Variants in ZFHX3 observed in about 807,000 individuals in gnomAD.
ZFHX3 encodes zinc finger homeobox protein 3.
A neutral mutation model predicts 279.1 loss-of-function variants in ZFHX3; 42 were observed. The observed-to-expected ratio is 0.15, with a 90% CI of 0.12 to 0.19. ZFHX3 has a LOEUF of 0.19. Ranked by LOEUF, ZFHX3 falls within the 10% of genes least tolerant of loss-of-function variation. The probability of loss-of-function intolerance (pLI) is 1.00; values close to 1 mark genes in which losing one functional copy is unlikely to be tolerated. For synonymous variants in ZFHX3, 2,293 were observed against 1,957.8 expected (o/e 1.17, Z -4.52); for missense variants, 4,981 against 4,754.0 (o/e 1.05, Z -1.40).
At chr16:73,125,119 C>G (rs573865439) in intron 7 of ZFHX3, 1 of 151,976 alleles carries the variant, frequency 6.6e-6, no homozygotes, top group East Asian at 1.9e-4. Context: ...GTACCTAGCA[C>G]CCAGTCACTG....
intron 5 of ZFHX3, among the ~76,000 whole-genome samples, chr16:73,248,339 T>A (rs934893239): frequency 1.3e-5 from 2 of 151,800 alleles, no homozygotes; most frequent in Non-Finnish European, 2.9e-5. Context: ...GTGGAGAGTG[T>A]GTATGTGTGT....
intron 1 of ZFHX3, among the ~76,000 whole-genome samples, chr16:73,057,040 C>A (rs938246741): frequency 6.6e-6 from 1 of 152,144 alleles, no homozygotes; most frequent in African/African-American, 2.4e-5. Context: ...TAACAAACTG[C>A]CTTTTAAAAG....
chr16:73,134,298 T>C (rs1041020865), intron 6 of ZFHX3, among the ~76,000 whole-genome samples: 2 of 150,708 alleles, frequency 1.3e-5, no homozygotes, highest in African/African-American at 2.4e-5. Flanking sequence ...TAACAATAGC[T>C]GTTAGTGACC....
At position 72,797,083 on chromosome 16, in the gene ZFHX3, G is replaced by C; in HGVS notation, c.5599C>G (p.Leu1867Val). ...TCGGGGTGCTGGCTTGGCTGAAGGA[G>C]GGCAGAGTGACTCTGGGCTATAGAG... ...QLSIAQSHSA[L>V]LQPSQHPEKK... is the part of the protein sequence containing the mutation. The change falls in exon 9 of 10, where the codon CTC becomes GTC. Residue 1867 changes from leucine to valine, a missense_variant. Coordinates refer to ENST00000268489, the MANE Select transcript of ZFHX3 (RefSeq NM_006885.4). The C allele has an allele frequency of 6.2e-7, 1 of 1,613,996 alleles. No individual in the cohort carries two copies. Among genetic ancestry groups the C allele is most frequent in the Non-Finnish European group, 8.5e-7 (1 of 1,180,024 alleles).
At chr16:73,001,016 A>T (rs1963477058) in intron 1 of ZFHX3, among the ~76,000 whole-genome samples, 2 of 152,234 alleles carry the variant, frequency 1.3e-5, no homozygotes, top group African/African-American at 4.8e-5. Context: ...ACCCTTGTGT[A>T]GTCCCCTCCC....
At position 73,730,066 on chromosome 16, in the gene ZFHX3, G is replaced by C. The variant is rs543939861; in HGVS notation, c.-1607-49826C>G. Among the ~76,000 whole-genome samples, 16 of 152,236 alleles carry C rather than the reference G, an allele frequency of 1.1e-4. 3 individuals are homozygous for C. The highest frequency in any genetic ancestry group is 3.9e-4 in the African/African-American group (16 of 41,534). On this transcript the variant is annotated intron_variant, in intron 1 of 17. Coordinates refer to the ZFHX3 transcript ENST00000641206. ...GTCATTTCTGCAGACAAACTGGGCA[G>C]ATCAATATCCATGCACAGAAGGCTG...
chr16:73,137,100 G>C (rs1966808829), intron 6 of ZFHX3, among the ~76,000 whole-genome samples: 1 of 152,022 alleles, frequency 6.6e-6, no homozygotes, highest in Non-Finnish European at 1.5e-5. Context: ...AAAATCACTA[G>C]ACTTTGATAT....
chr16:73,767,898 C>T (rs1377689734), intron 1 of ZFHX3, among the ~76,000 whole-genome samples: 1 of 152,172 alleles, frequency 6.6e-6, no homozygotes, highest in Non-Finnish European at 1.5e-5. Flanking sequence ...AACAAAGGGA[C>T]TAATTGCAAA....
At chr16:73,037,051 T>G (rs953140436) in intron 1 of ZFHX3, among the ~76,000 whole-genome samples, 1 of 151,896 alleles carries the variant, frequency 6.6e-6, no homozygotes, top group Non-Finnish European at 1.5e-5. Context: ...CACCCCACCC[T>G]CCCATCAACT....
intron 1 of ZFHX3, among the ~76,000 whole-genome samples, chr16:72,979,887 C>T (rs1962509388): frequency 6.6e-6 from 1 of 152,040 alleles, no homozygotes; most frequent in African/African-American, 2.4e-5. Flanking sequence ...TAAAGGCATG[C>T]TAGGTATGCT....
intron 3 of ZFHX3, among the ~76,000 whole-genome samples, chr16:73,429,827 C>A (rs140191550): frequency 1.1e-4 from 17 of 152,300 alleles, no homozygotes; most frequent in Middle Eastern, 6.8e-3. Flanking sequence ...CTCGCTCCCC[C>A]ACAGATGGCT....
Position 72,787,092 on chromosome 16 carries a change from C to A in ZFHX3, c.*72G>T. 4 of 987,806 alleles carry A rather than the reference C, an allele frequency of 4.0e-6. No individual in the cohort carries two copies. The highest frequency in any genetic ancestry group is 5.1e-6 in the Non-Finnish European group (4 of 785,146). The allele number at this position is 987,806 out of a possible 1,614,324, so 61.2% of individuals were successfully genotyped here. Reference sequence around the variant, plus strand: ...TAGAAGCTTTGGAATTGCAGTTAGTCTATTTTTGAAATTGGTTTGTTATTA... The same window carrying A: ...TAGAAGCTTTGGAATTGCAGTTAGTATATTTTTGAAATTGGTTTGTTATTA... On this transcript the variant is annotated 3_prime_UTR_variant, in exon 10 of 10. Coordinates refer to ENST00000268489, the MANE Select transcript of ZFHX3 (RefSeq NM_006885.4).
chr16:72,819,843 C>G (rs1328721071), intron 5 of ZFHX3, among the ~76,000 whole-genome samples: 2 of 152,202 alleles, frequency 1.3e-5, no homozygotes, highest in African/African-American at 2.4e-5. Flanking sequence ...GGAATAAGCT[C>G]CATGTGTTCT....
chr16:73,506,753 C>T (rs1167844037), intron 2 of ZFHX3, among the ~76,000 whole-genome samples: 1 of 152,114 alleles, frequency 6.6e-6, no homozygotes, highest in Non-Finnish European at 1.5e-5. Flanking sequence ...GCAACCACGG[C>T]AACCACAGGG....
intron 3 of ZFHX3, among the ~76,000 whole-genome samples, chr16:73,376,015 G>A (rs941346104): frequency 6.6e-6 from 1 of 152,114 alleles, no homozygotes; most frequent in Non-Finnish European, 1.5e-5. Context: ...ATTTACATAT[G>A]TCTGAAGTCA....
intron 8 of ZFHX3, among the ~76,000 whole-genome samples, chr16:73,071,924 G>C (rs936271353): frequency 1.6e-4 from 25 of 152,212 alleles, no homozygotes; most frequent in South Asian, 4.1e-4. Flanking sequence ...GGCAGACACT[G>C]ATGGGCCCCA....
intron 4 of ZFHX3, among the ~76,000 whole-genome samples, chr16:72,879,906 G>C (rs1218715333): frequency 2.0e-5 from 3 of 152,238 alleles, no homozygotes; most frequent in Non-Finnish European, 4.4e-5. Context: ...GAAGGTTTCG[G>C]TGAGGGCTGT....
At chr16:73,487,418 T>C (rs1337071964) in intron 2 of ZFHX3, 1 of 434,858 alleles carries the variant, frequency 2.3e-6, no homozygotes, top group Non-Finnish European at 4.6e-6. Flanking sequence ...ATTTTTTTTT[T>C]TTTTGGCAGA....
chr16:73,124,659 G>A (rs1236015913), intron 7 of ZFHX3, among the ~76,000 whole-genome samples: 3 of 152,210 alleles, frequency 2.0e-5, no homozygotes, highest in African/African-American at 4.8e-5. Context: ...AGGATAACTT[G>A]AGGAGAGTTT....
Sources: gnomAD v4.1 joint callset for allele counts (sites outside exome capture counted in the v4.1 genomes callset) on GRCh38, gnomAD v4.1.1 for gene constraint, MANE v1.5 for transcripts, NCBI Gene and HGNC (gene_info 2026-07-23, HGNC 2026-07-21) for gene names.